WNT7B: variants seen among roughly 807,000 people sequenced by gnomAD.
WNT7B encodes protein Wnt-7b.
A neutral mutation model predicts 38.2 loss-of-function variants in WNT7B; 19 were observed. The ratio of observed to expected loss-of-function variants is 0.50; its 90% confidence interval spans 0.35 to 0.73. The LOEUF (loss-of-function observed/expected upper bound fraction) is 0.73. Among genes scored for constraint, WNT7B ranks in the 30% least tolerant of loss-of-function variants. WNT7B has a pLI of 0.01. For missense variants in WNT7B, 423 were observed against 507.9 expected (o/e 0.83, Z 1.61); for synonymous variants, 243 against 209.3 (o/e 1.16, Z -1.39).
intron 1 of WNT7B, chr22:45,972,116 G>GGGGGGGGCCCCCCCCCCCCCCCCC: frequency 3.8e-6 from 2 of 530,746 alleles, no homozygotes; most frequent in Non-Finnish European, 3.3e-6. Flanking sequence ...CCCGGGGGGA[G>GGGGGGGGCCCCCCCCCCCCCCCCC]CCCACCCGCC....
chr22:45,951,160 C>T lies in WNT7B; in HGVS notation c.72-1014G>A, dbSNP rs1186479327. On this transcript the variant is annotated intron_variant, in intron 1 of 3. Transcript: ENST00000339464. The surrounding 1 kb of genome is among the most constrained non-coding windows in gnomAD (Gnocchi z 4.8). The stretch of plus-strand genomic sequence containing the variant: ...TGGTGTGATCTCAGCTCACTGCAAC[C>T]TCCACATTCCGGGTTCAAGCCATCC... Among the ~76,000 whole-genome samples, 3 of 152,222 alleles carry T rather than the reference C, an allele frequency of 2.0e-5. No individual in the cohort carries two copies. Among genetic ancestry groups the T allele is most frequent in the African/African-American group, 7.2e-5 (3 of 41,436 alleles).
chr22:45,930,091 C>A (rs1316378235), intron 3 of WNT7B, among the ~76,000 whole-genome samples: 1 of 152,248 alleles, frequency 6.6e-6, no homozygotes, highest in Non-Finnish European at 1.5e-5. Context: ...GCTTCCCAAG[C>A]CCTGTGGCCA....
intron 3 of WNT7B, among the ~76,000 whole-genome samples, chr22:45,929,663 C>T (rs111389308): frequency 1.0e-4 from 8 of 77,998 alleles, no homozygotes; most frequent in African/African-American, 3.5e-4. Context: ...CTTCCACCCA[C>T]CCGCCCATCC....
chr22:45,974,624 G>C lies in WNT7B; in HGVS notation c.71+2060C>G, dbSNP rs75453953. On this transcript the variant is annotated intron_variant, in intron 1 of 3. Coordinates refer to ENST00000339464, the MANE Select transcript of WNT7B (RefSeq NM_058238.3). Reference sequence around the variant, plus strand: ...GTTTTAGATTGGCTCACCAGGGGGAGGAGTTTCCCCTCCAGGGGCCCTGGG... The same window carrying C: ...GTTTTAGATTGGCTCACCAGGGGGACGAGTTTCCCCTCCAGGGGCCCTGGG... 4.4e-3 allele frequency among the ~76,000 whole-genome samples: 670 copies of C among 152,214 alleles called. 6 individuals are homozygous for C. The highest frequency in any genetic ancestry group is 0.015 in the African/African-American group (640 of 41,522).
intron 3 of WNT7B, among the ~76,000 whole-genome samples, chr22:45,928,202 G>T (rs983225130): frequency 5.3e-5 from 8 of 152,190 alleles, no homozygotes; most frequent in African/African-American, 1.9e-4. Flanking sequence ...GCGGGGTCCT[G>T]AGGAAGCTGG....
intron 1 of WNT7B, among the ~76,000 whole-genome samples, chr22:45,964,920 G>C (rs532646083): frequency 6.6e-6 from 1 of 152,066 alleles, no homozygotes; most frequent in Non-Finnish European, 1.5e-5. Flanking sequence ...GGAGTGTCCC[G>C]GGCCCTGCAT....
At chr22:45,973,181 G>C (rs1019134617) in intron 1 of WNT7B, among the ~76,000 whole-genome samples, 2 of 152,260 alleles carry the variant, frequency 1.3e-5, no homozygotes, top group Non-Finnish European at 2.9e-5. Context: ...TCCTTTGAGC[G>C]GTTGGCGGGG....
At chr22:45,972,321 T>C in intron 1 of WNT7B, 1 of 462,734 alleles carries the variant, frequency 2.2e-6, no homozygotes. Context: ...CCCGCGGAGC[T>C]CCCCGATGCA....
At position 45,921,798 on chromosome 22, in the gene WNT7B, T is replaced by G. The variant is rs1930935959; in HGVS notation, c.*1058A>C. ...TTTTTTGAGACAGAGTCGTGCTCTG[T>G]CACCCAAGTTGGAATACAGTGGCAC... On this transcript the variant is annotated 3_prime_UTR_variant, in exon 4 of 4. Coordinates refer to ENST00000339464, the MANE Select transcript of WNT7B (RefSeq NM_058238.3). 6.6e-6 allele frequency: 1 copy of G among 152,218 alleles called. No homozygotes were observed. The highest frequency in any genetic ancestry group is 6.5e-5 in the Admixed American group (1 of 15,282). The allele number at this position is 152,218 out of a possible 1,614,324, so 9.4% of individuals were successfully genotyped here. A position where few individuals can be genotyped will look rare whatever the true frequency, so the allele number is the denominator to read the frequency against.
In WNT7B at chr22:45,966,442, C is replaced by T. The variant is rs1487138147; in HGVS notation, c.71+10242G>A. Among the ~76,000 whole-genome samples, 8 of 152,166 alleles carry T rather than the reference C, an allele frequency of 5.3e-5. No homozygotes were observed. The highest frequency in any genetic ancestry group is 4.1e-4 in the South Asian group (2 of 4,826). On this transcript the variant is annotated intron_variant, in intron 1 of 3. Transcript: ENST00000339464. The surrounding 1 kb of genome is among the most constrained non-coding windows in gnomAD (Gnocchi z 4.2). ...GCCCATTCAGAGCTCCAACAGGGCA[C>T]GGAAGGGTTGGAGCAGGGATCACAG...
intron 1 of WNT7B, among the ~76,000 whole-genome samples, chr22:45,964,410 C>T (rs959503680): frequency 2.6e-5 from 4 of 152,140 alleles, no homozygotes; most frequent in African/African-American, 7.2e-5. Context: ...AGTGTGGCCC[C>T]TGCAGGCCAG....
At chr22:45,929,440 T>A (rs924598418) in intron 3 of WNT7B, among the ~76,000 whole-genome samples, 3 of 124,518 alleles carry the variant, frequency 2.4e-5, no homozygotes, top group African/African-American at 6.7e-5. Flanking sequence ...ACCCACCCAC[T>A]GATCCATCCT....
At chr22:45,929,337 G>A (rs1439005113) in intron 3 of WNT7B, among the ~76,000 whole-genome samples, 1 of 151,680 alleles carries the variant, frequency 6.6e-6, no homozygotes, top group African/African-American at 2.4e-5. Context: ...GGCAAAGCCT[G>A]TGTCACTCAT....
chr22:45,953,265 TCACAGTCACCGTGTCCTCGGCTTCC>T (rs1931980239), intron 1 of WNT7B, among the ~76,000 whole-genome samples: 1 of 148,186 alleles, frequency 6.7e-6, no homozygotes, highest in Non-Finnish European at 1.5e-5. Context: ...CGGCTTCCCC[TCACAGTCACCGTGTCCTCGGCTTCC>T]TCTCACAGTC....
intron 1 of WNT7B, among the ~76,000 whole-genome samples, chr22:45,968,362 A>C (rs989269242): frequency 6.6e-6 from 1 of 152,090 alleles, no homozygotes; most frequent in African/African-American, 2.4e-5. Context: ...CGACCACACC[A>C]GGCATCAAGC....
chr22:45,971,205 G>A (rs1014305986), intron 1 of WNT7B, among the ~76,000 whole-genome samples: 1 of 149,974 alleles, frequency 6.7e-6, no homozygotes, highest in South Asian at 2.1e-4. Flanking sequence ...CTCTGGCCGC[G>A]TCAGGCGACC....
chr22:45,927,490 G>C (rs4072177), intron 3 of WNT7B: 4 of 1,549,570 alleles, frequency 2.6e-6, no homozygotes, highest in Non-Finnish European at 2.6e-6. Flanking sequence ...GCCTCGGCAA[G>C]TGACTTTATT....
intron 1 of WNT7B, among the ~76,000 whole-genome samples, chr22:45,961,447 G>A (rs947196660): frequency 6.6e-6 from 1 of 152,202 alleles, no homozygotes; most frequent in East Asian, 1.9e-4. Flanking sequence ...GTGGGGCCCT[G>A]GAACCGTTTC....
At chr22:45,947,038 C>T (rs978951422) in intron 2 of WNT7B, among the ~76,000 whole-genome samples, 1 of 152,194 alleles carries the variant, frequency 6.6e-6, no homozygotes, top group South Asian at 2.1e-4. Context: ...CAGCCCATGC[C>T]AGGGCACCCA....
Sources: allele counts gnomAD v4.1 joint callset (sites outside exome capture counted in the v4.1 genomes callset), GRCh38; gene constraint gnomAD v4.1.1; non-coding constraint Gnocchi (gnomAD v3.1); transcripts MANE v1.5; gene names NCBI Gene and HGNC (gene_info 2026-07-23, HGNC 2026-07-21).